Variants in PUS7 observed in about 807,000 individuals in gnomAD.
PUS7 encodes pseudouridine synthase 7.
A neutral mutation model predicts 79.8 loss-of-function variants in PUS7; 48 were observed. That is an observed-to-expected ratio of 0.60 (90% CI 0.48 to 0.76). PUS7 has a LOEUF of 0.76. Among genes scored for constraint, PUS7 ranks in the 30% least tolerant of loss-of-function variants. PUS7 has a pLI of 0.00. For missense variants in PUS7, 729 were observed against 797.6 expected (o/e 0.91, Z 1.04); for synonymous variants, 286 against 272.2 (o/e 1.05, Z -0.50).
At chr7:105,472,217 T>C in intron 9 of PUS7, 24 bp from the exon 10 acceptor site, 3 of 1,424,012 alleles carry the variant, frequency 2.1e-6, no homozygotes, top group Non-Finnish European at 2.9e-6. Flanking sequence ...ACATTTATTT[T>C]ACTAAATTTT....
At position 105,506,465 on chromosome 7, in the gene PUS7, T is replaced by C. The variant is rs148459530; in HGVS notation, c.399-192A>G. Among the ~76,000 whole-genome samples the C allele has an allele frequency of 9.8e-3, 1,482 of 151,708 alleles. 10 individuals are homozygous for C. The highest frequency in any genetic ancestry group is 0.015 in the Non-Finnish European group (1,021 of 67,852). On this transcript the variant is annotated intron_variant, in intron 2 of 15. Coordinates refer to ENST00000469408, the MANE Select transcript of PUS7 (RefSeq NM_019042.5). ...TGAGATGGAGCCTTGCTCTGTTGCC[T>C]AGGCTGGAGTGCAGTGGCTCGATCT...
chr7:105,476,647 C>A (rs1164220198), intron 9 of PUS7, among the ~76,000 whole-genome samples: 2 of 152,124 alleles, frequency 1.3e-5, no homozygotes, highest in Non-Finnish European at 2.9e-5. Context: ...TGAGTCACTG[C>A]GCCTGGCCTA....
rs754710973 is a variant in PUS7, at chr7:105,457,818, G to C, written c.1958C>G (p.Thr653Arg). Residue 653 changes from threonine (T) to arginine (R), a missense_variant, in exon 16 of 16, where the codon ACG becomes AGG. Physicochemically the swap from Thr to Arg is moderately conservative, Grantham distance 71. Coordinates refer to ENST00000469408, the MANE Select transcript of PUS7 (RefSeq NM_019042.5). ...GCGAAGCCAGGTTGTATTCAGCTGC[G>C]TCTGGTTCTTGATACTGGTATCCAT... ...LKMDTSIKNQ[T>R]QLNTTWLR 2 of 1,614,066 alleles carry C rather than the reference G, an allele frequency of 1.2e-6. No homozygotes were observed. The highest frequency in any genetic ancestry group is 1.7e-5 in the Admixed American group (1 of 60,012).
In PUS7 at chr7:105,506,261, G is replaced by A. The variant is rs753851280; in HGVS notation, c.411C>T (p.Phe137=). ...SGILKERYSD[F]VVHEIGKDGR... ...CATCTTTTCCTATTTCATGAACAACGAAGTCGGAGTATCTGATGAAAGAAA... is the reference window on the plus strand; with the variant it reads ...CATCTTTTCCTATTTCATGAACAACAAAGTCGGAGTATCTGATGAAAGAAA... The change falls in exon 3 of 16, where the codon TTC becomes TTT. Residue 137 remains phenylalanine (F), a synonymous_variant. Transcript: ENST00000469408. 2.0e-5 allele frequency: 32 copies of A among 1,610,790 alleles called. No individual in the cohort carries two copies. The Admixed American group carries it at 3.2e-4, about 16-fold the overall frequency.
At chr7:105,472,293 C>G in intron 9 of PUS7, 100 bp from the exon 10 acceptor site, 1 of 705,768 alleles carries the variant, frequency 1.4e-6, no homozygotes, top group Admixed American at 2.6e-5. Flanking sequence ...AACTATACAC[C>G]GAAGCCTTGA....
chr7:105,507,982 T>C, intron 2 of PUS7, 133 bp downstream of exon 2: 1 of 1,233,438 alleles, frequency 8.1e-7, no homozygotes, highest in Non-Finnish European at 1.1e-6. Flanking sequence ...GTTTCCTTCA[T>C]CCTATTCCTT....
chr7:105,504,180 C>T (rs1393388728), intron 4 of PUS7, among the ~76,000 whole-genome samples: 2 of 139,328 alleles, frequency 1.4e-5, no homozygotes, highest in African/African-American at 5.2e-5. Context: ...AGTGATTCTC[C>T]CGCCTCAGCC....
At chr7:105,466,715 G>C (rs1249821049) in intron 12 of PUS7, among the ~76,000 whole-genome samples, 1 of 150,816 alleles carries the variant, frequency 6.6e-6, no homozygotes, top group East Asian at 1.9e-4. Flanking sequence ...CGTATTTGCA[G>C]TGGCATCATA....
Position 105,517,876 on chromosome 7 carries a change from G to A in PUS7, c.-33+4176C>T, listed in dbSNP as rs116793802. 2.8e-3 allele frequency among the ~76,000 whole-genome samples: 431 copies of A among 152,338 alleles called. 3 individuals are homozygous for A. Among genetic ancestry groups the A allele is most frequent in the African/African-American group, 0.01 (419 of 41,578 alleles). ...TAAAAAATTAGCCAGGCAGCTGGGTGTGGTGTCTCATGCCTGTAATCCCAG... is the reference window on the plus strand; with the variant it reads ...TAAAAAATTAGCCAGGCAGCTGGGTATGGTGTCTCATGCCTGTAATCCCAG... On this transcript the variant is annotated intron_variant, in intron 1 of 15. Transcript: ENST00000469408.
In PUS7 at chr7:105,480,967, T is replaced by C. The variant is rs1045909343; in HGVS notation, c.1175+85A>G. 3.5e-6 allele frequency: 5 copies of C among 1,448,900 alleles called. No homozygotes were observed. The South Asian group carries it at 4.0e-5, about 12-fold the overall frequency. 89.8% of individuals were successfully genotyped at this position (1,448,900 alleles called of 1,614,324 possible). ...CATTTGCCCCAGACATGGGAGAACG[T>C]AGAAATAATTAAAAACACCACCACC... is the stretch of plus-strand genomic sequence containing the variant. On this transcript the variant is annotated intron_variant, in intron 9 of 15. Transcript: ENST00000469408.
chr7:105,520,198 G>A (rs1156907874), intron 1 of PUS7, among the ~76,000 whole-genome samples: 1 of 152,162 alleles, frequency 6.6e-6, no homozygotes, highest in East Asian at 1.9e-4. Context: ...GGTGGCTCAC[G>A]CCTGTAATCC....
At chr7:105,460,088 G>A (rs1027607859) in intron 14 of PUS7, among the ~76,000 whole-genome samples, 8 of 151,980 alleles carry the variant, frequency 5.3e-5, no homozygotes, top group South Asian at 2.1e-4. Flanking sequence ...ACAGGCGCCC[G>A]CCACCATGCC....
intron 1 of PUS7, among the ~76,000 whole-genome samples, chr7:105,519,206 T>G (rs1412036756): frequency 6.6e-6 from 1 of 152,078 alleles, no homozygotes; most frequent in Non-Finnish European, 1.5e-5. Context: ...GTGAGCATTT[T>G]CTTTAGGGCC....
intron 1 of PUS7, among the ~76,000 whole-genome samples, chr7:105,510,708 G>A (rs1825668730): frequency 2.0e-5 from 3 of 151,922 alleles, no homozygotes; most frequent in Admixed American, 6.6e-5. Flanking sequence ...AGAGACAGGG[G>A]TTCACCATGT....
In PUS7 at chr7:105,517,392, C is replaced by T. The variant is rs183684780; in HGVS notation, c.-33+4660G>A. Among the ~76,000 whole-genome samples the T allele has an allele frequency of 2.7e-3, 418 of 152,142 alleles. 3 individuals carry two copies. Among genetic ancestry groups the T allele is most frequent in the Non-Finnish European group, 4.3e-3 (291 of 67,998 alleles). On this transcript the variant is annotated intron_variant, in intron 1 of 15. Transcript: ENST00000469408. ...GCCAGGCTGGTCTTGAACTCCTGAC[C>T]TCAGGTGATCTGCCTGCCTCGGCCT...
chr7:105,510,239 G>A (rs1413619096), intron 1 of PUS7, among the ~76,000 whole-genome samples: 6 of 152,084 alleles, frequency 3.9e-5, no homozygotes, highest in Non-Finnish European at 7.4e-5. Flanking sequence ...GGTGGAGGTT[G>A]TGGTGAGCTG....
intron 1 of PUS7, among the ~76,000 whole-genome samples, chr7:105,510,563 G>C (rs1472220729): frequency 1.3e-5 from 2 of 152,020 alleles, no homozygotes; most frequent in Admixed American, 6.6e-5. Flanking sequence ...GCCCAGGCTT[G>C]AGAGCAGTGG....
At chr7:105,479,961 GC>G (rs560479283) in intron 9 of PUS7, among the ~76,000 whole-genome samples, 20 of 151,762 alleles carry the variant, frequency 1.3e-4, no homozygotes, top group African/African-American at 4.8e-4. Flanking sequence ...TGGCACCACT[GC>G]ACTCCAGCCT....
In PUS7 at chr7:105,470,840, C is replaced by T; in HGVS notation, c.1246G>A (p.Gly416Ser). The change falls in exon 11 of 16, where the codon GGC becomes AGC. Residue 416 changes from glycine to serine, a missense_variant. Physicochemically the swap from Gly to Ser is moderately conservative, Grantham distance 56 (BLOSUM62 0). Coordinates refer to ENST00000469408, the MANE Select transcript of PUS7 (RefSeq NM_019042.5). The part of the protein sequence containing the change: ...ILKPRSGAEK[G>S]YLVKCREEWA... ...TCTTCTCTGCATTTAACCAAGTAGC[C>T]CTTTTCAGCTGCGGGGGGAAAAAGC... 6.3e-7 allele frequency: 1 copy of T among 1,589,088 alleles called. No homozygotes were observed. Among genetic ancestry groups the T allele is most frequent in the African/African-American group, 1.3e-5 (1 of 74,284 alleles).
Sources: allele counts gnomAD v4.1 joint callset (sites outside exome capture counted in the v4.1 genomes callset), GRCh38; gene constraint gnomAD v4.1.1; transcripts MANE v1.5; gene names NCBI Gene and HGNC (gene_info 2026-07-23, HGNC 2026-07-21).